The following MAGI2 variants were observed in gnomAD, a reference collection of about 807,000 sequenced individuals.
The protein encoded by MAGI2 is membrane associated guanylate kinase, WW and PDZ domain containing 2.
In MAGI2, 35 loss-of-function variants were observed where a neutral mutation model predicts 133.3. That is an observed-to-expected ratio of 0.26 (90% CI 0.20 to 0.35). MAGI2 has a LOEUF of 0.35. Among genes scored for constraint, MAGI2 ranks in the 10% least tolerant of loss-of-function variants. The pLI, the probability that MAGI2 is intolerant of heterozygous loss-of-function variation, is 1.00. For synonymous variants in MAGI2, 729 were observed against 710.6 expected, an observed-to-expected ratio of 1.03 and a Z score of -0.41; for missense variants, 1,636 against 1,863.4, an observed-to-expected ratio of 0.88 and a Z score of 2.25.
At chr7:78,923,709 A>G (rs1301899122) in intron 2 of MAGI2, among the ~76,000 whole-genome samples, 1 of 152,142 alleles carries the variant, frequency 6.6e-6, no homozygotes, top group African/African-American at 2.4e-5. Context: ...ACTTTAAAGT[A>G]GTTTTTTCCA....
At chr7:78,106,180 AC>A (rs1270473205) in intron 20 of MAGI2, among the ~76,000 whole-genome samples, 2 of 152,122 alleles carry the variant, frequency 1.3e-5, no homozygotes, top group Non-Finnish European at 2.9e-5. Context: ...CATGTTGCAA[AC>A]AACAGGATTT....
chr7:78,655,989 AAAAAAAAAG>A (rs1457251297), intron 2 of MAGI2, among the ~76,000 whole-genome samples: 3 of 150,626 alleles, frequency 2.0e-5, no homozygotes, highest in African/African-American at 2.4e-5. Context: ...TCAAAAAAAA[AAAAAAAAAG>A]AAAAAGAAAA....
chr7:78,624,167 GTTA>G (rs1482216771), intron 3 of MAGI2, among the ~76,000 whole-genome samples: 1 of 151,900 alleles, frequency 6.6e-6, no homozygotes, highest in African/African-American at 2.4e-5. Flanking sequence ...TTTTAATGCA[GTTA>G]TTTTTTTCTT....
chr7:78,555,917 T>C (rs1442552542), intron 3 of MAGI2, among the ~76,000 whole-genome samples: 1 of 152,172 alleles, frequency 6.6e-6, no homozygotes, highest in Non-Finnish European at 1.5e-5. Flanking sequence ...AAGTCTCAAA[T>C]ACTAAAAGCA....
intron 1 of MAGI2, among the ~76,000 whole-genome samples, chr7:79,173,288 G>A (rs551399548): frequency 6.6e-6 from 1 of 151,820 alleles, no homozygotes; most frequent in South Asian, 2.1e-4. Flanking sequence ...TAGAAAAAAT[G>A]ACTTCATTTC....
intron 4 of MAGI2, among the ~76,000 whole-genome samples, chr7:78,511,554 T>TACA (rs372551773): frequency 9.5e-6 from 1 of 104,804 alleles, no homozygotes; most frequent in African/African-American, 3.9e-5. Flanking sequence ...TATATAAATT[T>TACA]TTTTTTTTTT....
intron 2 of MAGI2, among the ~76,000 whole-genome samples, chr7:78,952,588 A>T (rs1285736090): frequency 6.6e-6 from 1 of 152,186 alleles, no homozygotes; most frequent in Non-Finnish European, 1.5e-5. Context: ...AGCAGTTGAA[A>T]CAAATATTTT....
chr7:78,786,094 A>T (rs1246555536), intron 2 of MAGI2, among the ~76,000 whole-genome samples: 2 of 151,610 alleles, frequency 1.3e-5, no homozygotes, highest in Admixed American at 1.3e-4. Flanking sequence ...CCCCTGATAG[A>T]TTCTTCCCTC....
chr7:78,459,376 T>C (rs986340059), intron 6 of MAGI2, among the ~76,000 whole-genome samples: 4 of 152,334 alleles, frequency 2.6e-5, no homozygotes, highest in Admixed American at 1.3e-4. Context: ...ATTAACACGT[T>C]TATGGCTCAT....
intron 1 of MAGI2, among the ~76,000 whole-genome samples, chr7:79,287,628 C>T (rs1836118737): frequency 6.6e-6 from 1 of 152,076 alleles, no homozygotes; most frequent in African/African-American, 2.4e-5. Context: ...CTCAAGCACT[C>T]AGTAGTAAAT....
intron 1 of MAGI2, among the ~76,000 whole-genome samples, chr7:79,216,028 A>G (rs981678077): frequency 1.3e-5 from 2 of 151,908 alleles, no homozygotes; most frequent in Non-Finnish European, 2.9e-5. Context: ...GGGAACAGAC[A>G]TTCCTGTTTT....
chr7:78,981,837 T>C, intron 2 of MAGI2, among the ~76,000 whole-genome samples: 1 of 151,948 alleles, frequency 6.6e-6, no homozygotes, highest in East Asian at 1.9e-4. Flanking sequence ...TGCAATTTCA[T>C]GTAGCACAAA....
chr7:78,627,267 A>G (rs1428056374), intron 2 of MAGI2, 28 bp from the exon 3 acceptor site: 2 of 1,502,452 alleles, frequency 1.3e-6, no homozygotes, highest in Non-Finnish European at 8.9e-7. Context: ...AAAACAAAAG[A>G]AAGACGCTAA....
At chr7:79,139,040 C>A (rs1453115731) in intron 1 of MAGI2, among the ~76,000 whole-genome samples, 13 of 150,320 alleles carry the variant, frequency 8.6e-5, no homozygotes, top group African/African-American at 3.2e-4. Flanking sequence ...AGAGAAAAGG[C>A]CATCTGGGAA....
intron 1 of MAGI2, 108 bp downstream of exon 1, chr7:79,452,912 A>G (rs1849388055): frequency 1.5e-5 from 19 of 1,242,852 alleles, no homozygotes; most frequent in South Asian, 4.6e-5. Flanking sequence ...CCCCCACCCC[A>G]TCATCGCGCA....
intron 2 of MAGI2, among the ~76,000 whole-genome samples, chr7:78,986,011 A>G (rs1805228025): frequency 6.6e-6 from 1 of 152,028 alleles, no homozygotes; most frequent in African/African-American, 2.4e-5. Context: ...TCCACACTGT[A>G]TTTTGTCACA....
At chr7:78,369,077 A>G in intron 7 of MAGI2, 79 bp downstream of exon 7, 1 of 1,007,788 alleles carries the variant, frequency 9.9e-7, no homozygotes, top group East Asian at 2.6e-5. Context: ...GCTGTGAGCC[A>G]CACATGCTCA....
chr7:78,022,504 T>C (rs893568805), intron 21 of MAGI2, among the ~76,000 whole-genome samples: 4 of 152,246 alleles, frequency 2.6e-5, no homozygotes, highest in African/African-American at 9.6e-5. Flanking sequence ...ATGGGCCAGT[T>C]AGGAGTAAAA....
At chr7:78,976,045 C>T (rs1346693359) in intron 2 of MAGI2, among the ~76,000 whole-genome samples, 1 of 151,402 alleles carries the variant, frequency 6.6e-6, no homozygotes, top group Non-Finnish European at 1.5e-5. Context: ...ATGAAAAAAC[C>T]AGATTAGTCC....
Sources: gnomAD v4.1 joint callset for allele counts (sites outside exome capture counted in the v4.1 genomes callset) on GRCh38, gnomAD v4.1.1 for gene constraint, MANE v1.5 for transcripts, NCBI Gene and HGNC (gene_info 2026-07-23, HGNC 2026-07-21) for gene names.